Variants in CIP2A observed in about 807,000 individuals in gnomAD.
CIP2A encodes the protein protein CIP2A.
In CIP2A, 103 loss-of-function variants were observed where a neutral mutation model predicts 110.9. That is an observed-to-expected ratio of 0.93 (90% CI 0.79 to 1.09). CIP2A has a LOEUF of 1.09. Among genes scored for constraint, CIP2A ranks in the 50% least tolerant of loss-of-function variants. The pLI is 0.00. For synonymous variants in CIP2A, 381 were observed against 361.6 expected (o/e 1.05, Z -0.61); for missense variants, 1,088 against 1,038.4 (o/e 1.05, Z -0.66).
intron 8 of CIP2A, among the ~76,000 whole-genome samples, chr3:108,573,489 T>G (rs1383399297): frequency 6.6e-6 from 1 of 152,038 alleles, no homozygotes; most frequent in African/African-American, 2.4e-5. Context: ...TCTTTCAGGT[T>G]TTGATACCCA....
Position 108,553,894 on chromosome 3 carries a change from TATA to T in CIP2A, c.2325-167_2325-165del, listed in dbSNP as rs1199973636. Among the ~76,000 whole-genome samples the T allele has an allele frequency of 2.2e-3, 108 of 49,736 alleles. 18 individuals are homozygous for T. The highest frequency in any genetic ancestry group is 2.9e-3 in the Admixed American group (10 of 3,424). The allele number at this position is 49,736 out of a possible 152,430, so 32.6% of individuals were successfully genotyped here. A position where few individuals can be genotyped will look rare whatever the true frequency, so the allele number is the denominator to read the frequency against. ...GGTGAAACCCCGTCTCTACTAAAAA[TATA>T]AAAAAAAAAAAAAAAAAAAAAAGGT... On this transcript the variant is annotated intron_variant, in intron 18 of 20. Transcript: ENST00000295746.
intron 8 of CIP2A, among the ~76,000 whole-genome samples, chr3:108,575,504 GTATATATACACATACATATATACACGTA>G (rs1559699026): frequency 2.2e-4 from 29 of 133,022 alleles, no homozygotes; most frequent in African/African-American, 8.5e-4. Flanking sequence ...ATGTATATAT[GTATATATACACATACATATATACACGTA>G]TATATACTCA....
Position 108,552,247 on chromosome 3 carries a change from T to A in CIP2A, c.2534A>T (p.Glu845Val). The A allele has an allele frequency of 6.4e-7, 1 of 1,558,826 alleles. No individual in the cohort carries two copies. Among genetic ancestry groups the A allele is most frequent in the Non-Finnish European group, 8.6e-7 (1 of 1,158,050 alleles). ...ACAGATTCTTACCTTAATGCTCAAC[T>A]CTTTTCTTATCTGTTCTGTTCTGCT... Reference protein sequence around the residue: ...ELSRTEQIRKELSIKASSLEV... With the variant: ...ELSRTEQIRKVLSIKASSLEV... The change falls in exon 20 of 21, where the codon GAG becomes GTG. Residue 845 changes from glutamate (E) to valine (V), a missense_variant. Coordinates refer to ENST00000295746, the MANE Select transcript of CIP2A (RefSeq NM_020890.3).
intron 8 of CIP2A, among the ~76,000 whole-genome samples, chr3:108,570,230 A>AT (rs199552920): frequency 1.4e-5 from 2 of 146,536 alleles, no homozygotes; most frequent in African/African-American, 2.5e-5. Flanking sequence ...AAAAAAAAAA[A>AT]ATTTCTTAAG....
rs1163991017 is a variant in CIP2A, at chr3:108,569,168, C to CTATATATATA, written c.1113+211_1113+220dup. ...TTTACTTATTACACTGAAATGAGCA[C>CTATATATATA]TATATATATATATACATACACACTA... On this transcript the variant is annotated intron_variant, in intron 9 of 20. Coordinates refer to ENST00000295746, the MANE Select transcript of CIP2A (RefSeq NM_020890.3). Among the ~76,000 whole-genome samples, 25 of 11,074 alleles carry CTATATATATA rather than the reference C, an allele frequency of 2.3e-3. 6 individuals are homozygous for CTATATATATA. Among genetic ancestry groups the CTATATATATA allele is most frequent in the South Asian group, 0.013 (2 of 150 alleles). 7.3% of individuals were successfully genotyped at this position (11,074 alleles called of 152,430 possible). A position where few individuals can be genotyped will look rare whatever the true frequency, so the allele number is the denominator to read the frequency against.
At position 108,560,077 on chromosome 3, in the gene CIP2A, C is replaced by T. The variant is rs770440194; in HGVS notation, c.1828-49G>A. Reference sequence around the variant, plus strand: ...TTAAAATTTTAATAAAATATTTTGACACAATGACAAAATAAATGCCTACTT... The same window carrying T: ...TTAAAATTTTAATAAAATATTTTGATACAATGACAAAATAAATGCCTACTT... On this transcript the variant is annotated intron_variant, in intron 14 of 20. Coordinates refer to ENST00000295746, the MANE Select transcript of CIP2A (RefSeq NM_020890.3). 125 of 1,089,484 alleles carry T rather than the reference C, an allele frequency of 1.1e-4. 2 individuals are homozygous for T. Among genetic ancestry groups the T allele is most frequent in the South Asian group, 1.1e-3 (73 of 68,314 alleles). The allele number at this position is 1,089,484 out of a possible 1,614,324, so 67.5% of individuals were successfully genotyped here.
Position 108,569,559 on chromosome 3 carries a change from T to TA in CIP2A, c.942dup (p.Met315TyrfsTer8). On this transcript the variant is annotated frameshift_variant, in exon 9 of 21. Transcript: ENST00000295746. LOFTEE classifies it high-confidence loss of function. ...TGTTCAAACATCATCTGAGTGAGCATATGGCGCAGCTGAGTCACTGAACAG... is the reference window on the plus strand; with the variant it reads ...TGTTCAAACATCATCTGAGTGAGCATAATGGCGCAGCTGAGTCACTGAACAG... 6.2e-7 allele frequency: 1 copy of TA among 1,612,688 alleles called. No individual in the cohort carries two copies. Among genetic ancestry groups the TA allele is most frequent in the Non-Finnish European group, 8.5e-7 (1 of 1,179,232 alleles).
rs771341383 is a variant in CIP2A, at chr3:108,585,156, A to G, written c.159T>C (p.Ser53=). ...GCTCTACAAGGCAACTCAAGCATTC[A>G]CTTGTTAATATCTGATTTGATGTAA... The part of the protein sequence containing the change: ...RLFTSNQILT[S]ECLSCLVELL... Residue 53 remains serine (S), a synonymous_variant, in exon 2 of 21, where the codon AGT becomes AGC. Transcript: ENST00000295746. 17 of 1,613,158 alleles carry G rather than the reference A, an allele frequency of 1.1e-5. No homozygotes were observed. Among genetic ancestry groups the G allele is most frequent in the Non-Finnish European group, 1.4e-5 (17 of 1,179,214 alleles).
intron 15 of CIP2A, 34 bp from the exon 16 acceptor site, chr3:108,559,901 G>T (rs200870771): frequency 6.3e-7 from 1 of 1,580,614 alleles, no homozygotes; most frequent in African/African-American, 1.3e-5. Flanking sequence ...TTTCATTTTA[G>T]GAATACATCT....
chr3:108,583,580 TG>T (rs1414749703), intron 2 of CIP2A, among the ~76,000 whole-genome samples: 1 of 152,048 alleles, frequency 6.6e-6, no homozygotes, highest in East Asian at 1.9e-4. Flanking sequence ...TACCAGAGGC[TG>T]GGAAGAATAT....
In CIP2A at chr3:108,589,401, G is replaced by T. The variant is rs541507104; in HGVS notation, c.-26C>A. 1 of 1,537,612 alleles carries T rather than the reference G, an allele frequency of 6.5e-7. No homozygotes were observed. The highest frequency in any genetic ancestry group is 9.0e-7 in the Non-Finnish European group (1 of 1,116,584). On this transcript the variant is annotated 5_prime_UTR_variant, in exon 1 of 21. Coordinates refer to ENST00000295746, the MANE Select transcript of CIP2A (RefSeq NM_020890.3). Reference sequence around the variant, plus strand: ...TGCACCGGCCGCGGCCCGGCTTAGGGACCACCACCGCCCAGCGTGCGCCGG... The same window carrying T: ...TGCACCGGCCGCGGCCCGGCTTAGGTACCACCACCGCCCAGCGTGCGCCGG...
At chr3:108,575,475 T>C (rs1323053625) in intron 8 of CIP2A, among the ~76,000 whole-genome samples, 2 of 149,576 alleles carry the variant, frequency 1.3e-5, no homozygotes, top group Non-Finnish European at 3.0e-5. Context: ...TGAGTATATA[T>C]ACACATATAT....
chr3:108,572,002 C>T (rs1215250066), intron 8 of CIP2A, among the ~76,000 whole-genome samples: 1 of 151,934 alleles, frequency 6.6e-6, no homozygotes, highest in East Asian at 1.9e-4. Context: ...TGTTTATTGA[C>T]CAATTCAACT....
rs761202956 is a variant in CIP2A at position 108,569,628 on chromosome 3, A to G, written c.895-21T>C. The G allele has an allele frequency of 2.1e-4, 329 of 1,557,630 alleles. 1 individual carries two copies. Among genetic ancestry groups the G allele is most frequent in the Non-Finnish European group, 2.7e-4 (305 of 1,131,846 alleles). ...AAAACCTGTGCAATATAAAGTGTTC[A>G]TTAAACATCAATTTCACAGAACTTT... On this transcript the variant is annotated intron_variant, in intron 8 of 20. Coordinates refer to ENST00000295746, the MANE Select transcript of CIP2A (RefSeq NM_020890.3).
chr3:108,556,547 G>A (rs983582765), intron 17 of CIP2A, among the ~76,000 whole-genome samples: 2 of 152,110 alleles, frequency 1.3e-5, no homozygotes, highest in African/African-American at 4.8e-5. Context: ...TAAACTTTTT[G>A]AGTGCTACCA....
chr3:108,553,896 T>TA lies in CIP2A; in HGVS notation c.2325-167dup, dbSNP rs71103478. 2.5e-4 allele frequency among the ~76,000 whole-genome samples: 21 copies of TA among 84,198 alleles called. 1 individual carries two copies. The highest frequency in any genetic ancestry group is 8.8e-4 in the African/African-American group (20 of 22,640). 55.2% of individuals were successfully genotyped at this position (84,198 alleles called of 152,430 possible). A position where few individuals can be genotyped will look rare whatever the true frequency, so the allele number is the denominator to read the frequency against. ...TGAAACCCCGTCTCTACTAAAAATA[T>TA]AAAAAAAAAAAAAAAAAAAAAAAGG... On this transcript the variant is annotated intron_variant, in intron 18 of 20. Coordinates refer to ENST00000295746, the MANE Select transcript of CIP2A (RefSeq NM_020890.3).
chr3:108,563,226 G>T lies in CIP2A; in HGVS notation c.1534C>A (p.Pro512Thr). ...KILQDPRLIT[P>T]LAFALTSDNR... ...TCTGACGTTAAAGCAAAAGCCAAAG[G>T]AGTAATCAAACGTGGGTCCTAAATA... Residue 512 changes from proline to threonine, a missense_variant, in exon 13 of 21, where the codon CCT becomes ACT. Transcript: ENST00000295746. 6.2e-7 allele frequency: 1 copy of T among 1,610,548 alleles called. No homozygotes were observed. The highest frequency in any genetic ancestry group is 8.5e-7 in the Non-Finnish European group (1 of 1,177,186).
rs2083888076 is a variant in CIP2A at position 108,550,934 on chromosome 3, C to T, written c.*215G>A. ...GTAAGAACCAAAGAAAACCTTAAGC[C>T]ATAAAAGCCAGAAACAAAAAGTAAA... On this transcript the variant is annotated 3_prime_UTR_variant, in exon 21 of 21. Coordinates refer to ENST00000295746, the MANE Select transcript of CIP2A (RefSeq NM_020890.3). 6.6e-6 allele frequency: 2 copies of T among 304,876 alleles called. No individual in the cohort carries two copies. Among genetic ancestry groups the T allele is most frequent in the African/African-American group, 2.2e-5 (1 of 46,294 alleles). The allele number at this position is 304,876 out of a possible 1,614,324, so 18.9% of individuals were successfully genotyped here.
rs772219467 is a variant in CIP2A at position 108,579,236 on chromosome 3, G to A, written c.818+45C>T. The A allele has an allele frequency of 2.8e-6, 4 of 1,448,848 alleles. No individual in the cohort carries two copies. The South Asian group carries it at 4.9e-5, about 18-fold the overall frequency. 89.7% of individuals were successfully genotyped at this position (1,448,848 alleles called of 1,614,324 possible). A position where few individuals can be genotyped will look rare whatever the true frequency, so the allele number is the denominator to read the frequency against. On this transcript the variant is annotated intron_variant, in intron 7 of 20. Coordinates refer to ENST00000295746, the MANE Select transcript of CIP2A (RefSeq NM_020890.3). ...TTCTGTTTATAACCAACACATCTTG[G>A]TTTAAAAATAAAAAAGTTCTAAAAT...
Sources: gnomAD v4.1 joint callset for allele counts (sites outside exome capture counted in the v4.1 genomes callset) on GRCh38, gnomAD v4.1.1 for gene constraint, MANE v1.5 for transcripts, NCBI Gene and HGNC (gene_info 2026-07-23, HGNC 2026-07-21) for gene names.